CRTAC1: variants seen among roughly 807,000 people sequenced by gnomAD.
The protein encoded by CRTAC1 is acidic secreted protein in cartilage.
In CRTAC1, 37 loss-of-function variants were observed where a neutral mutation model predicts 67.8. The ratio of observed to expected loss-of-function variants is 0.55; its 90% CI spans 0.42 to 0.72. CRTAC1 has a LOEUF of 0.72. Ranked by LOEUF, CRTAC1 falls within the 30% of genes least tolerant of loss-of-function variation. The pLI, the probability that CRTAC1 is intolerant of heterozygous loss-of-function variation, is 0.00. For synonymous variants in CRTAC1, 348 were observed against 371.0 expected, an observed-to-expected ratio of 0.94 and a Z score of 0.71; for missense variants, 780 against 931.6, an observed-to-expected ratio of 0.84 and a Z score of 2.12.
chr10:97,900,638 G>A (rs558956664), intron 8 of CRTAC1, among the ~76,000 whole-genome samples: 9 of 140,418 alleles, frequency 6.4e-5, no homozygotes, highest in Non-Finnish European at 9.1e-5. Context: ...ATTGGAGCCC[G>A]TAGCCCCTTT....
chr10:97,953,479 A>G (rs909293434), intron 2 of CRTAC1, among the ~76,000 whole-genome samples: 5 of 152,142 alleles, frequency 3.3e-5, no homozygotes, highest in Admixed American at 6.5e-5. Flanking sequence ...CAGACCCTCA[A>G]TGGAGGTCCC....
chr10:97,986,216 G>A (rs369620932), intron 2 of CRTAC1, among the ~76,000 whole-genome samples: 32 of 152,308 alleles, frequency 2.1e-4, no homozygotes, highest in African/African-American at 7.7e-4. Context: ...CACCACACCG[G>A]GGAGAGGAGA....
intron 2 of CRTAC1, among the ~76,000 whole-genome samples, chr10:97,980,115 G>A (rs1320899009): frequency 6.6e-6 from 1 of 152,186 alleles, no homozygotes; most frequent in Non-Finnish European, 1.5e-5. Flanking sequence ...ATCTTTGTTT[G>A]CTCATTCATA....
chr10:97,886,874 A>G (rs1261766341), intron 11 of CRTAC1, among the ~76,000 whole-genome samples: 8 of 151,542 alleles, frequency 5.3e-5, no homozygotes, highest in Admixed American at 5.3e-4. Context: ...CAAACTCCTG[A>G]CCTCAAGTGA....
intron 2 of CRTAC1, among the ~76,000 whole-genome samples, chr10:97,962,274 C>A (rs1047555444): frequency 2.0e-5 from 3 of 151,850 alleles, no homozygotes; most frequent in Admixed American, 6.6e-5. Flanking sequence ...GGGATGAGAT[C>A]ACAGCCAACT....
At chr10:98,009,917 C>T (rs1263424836) in intron 2 of CRTAC1, among the ~76,000 whole-genome samples, 2 of 152,126 alleles carry the variant, frequency 1.3e-5, no homozygotes, top group Admixed American at 1.3e-4. Context: ...ACCCCATCTG[C>T]CTTTTCTCTC....
At chr10:97,886,770 G>T (rs1382253581) in intron 11 of CRTAC1, among the ~76,000 whole-genome samples, 1 of 150,766 alleles carries the variant, frequency 6.6e-6, no homozygotes, top group Non-Finnish European at 1.5e-5. Context: ...TCAGCCTCCT[G>T]AGTAGTTGGG....
intron 1 of CRTAC1, among the ~76,000 whole-genome samples, chr10:98,017,802 G>T (rs1843029099): frequency 6.6e-6 from 1 of 151,602 alleles, no homozygotes; most frequent in African/African-American, 2.4e-5. Context: ...CTTCCAAAGT[G>T]CTGAGATTAC....
intron 2 of CRTAC1, among the ~76,000 whole-genome samples, chr10:98,002,034 G>A (rs1842698216): frequency 6.6e-6 from 1 of 152,208 alleles, no homozygotes; most frequent in South Asian, 2.1e-4. Context: ...GGCCAGGGAG[G>A]GTCAGCCTCA....
intron 1 of CRTAC1, among the ~76,000 whole-genome samples, chr10:98,028,482 C>T (rs1375602651): frequency 6.6e-6 from 1 of 152,136 alleles, no homozygotes; most frequent in Non-Finnish European, 1.5e-5. Flanking sequence ...ACTGCCTTCC[C>T]GGTTGGTGGT....
At chr10:97,920,577 A>G (rs2050822068) in intron 4 of CRTAC1, among the ~76,000 whole-genome samples, 1 of 152,082 alleles carries the variant, frequency 6.6e-6, no homozygotes, top group Admixed American at 6.5e-5. Context: ...GAGAATCTGC[A>G]TTTCTAACGA....
At chr10:98,002,719 C>T (rs1386888889) in intron 2 of CRTAC1, among the ~76,000 whole-genome samples, 1 of 146,106 alleles carries the variant, frequency 6.8e-6, no homozygotes, top group Non-Finnish European at 1.5e-5. Context: ...TGATGGTCAC[C>T]GAGGAACAAA....
chr10:97,894,711 C>CATATATATATTCAT (rs2050425921), intron 11 of CRTAC1, among the ~76,000 whole-genome samples: 1 of 60,052 alleles, frequency 1.7e-5, no homozygotes, highest in Non-Finnish European at 3.3e-5. Context: ...GATGCTTTTA[C>CATATATATATTCAT]ATATATATAT....
chr10:97,975,838 TG>T lies in CRTAC1; in HGVS notation c.224+35299del, dbSNP rs1220394965. ...TACGCACACTCGGTGAGCGTGCTCC[TG>T]GGCCCCCAATGAGGAGCTAGCTCCC... On this transcript the variant is annotated intron_variant, in intron 2 of 14. Transcript: ENST00000370597. The surrounding 1 kb of genome is among the most constrained non-coding windows in gnomAD (Gnocchi z 4.8). 6.6e-6 allele frequency among the ~76,000 whole-genome samples: 1 copy of T among 152,244 alleles called. No homozygotes were observed. Among genetic ancestry groups the T allele is most frequent in the Non-Finnish European group, 1.5e-5 (1 of 68,036 alleles).
At chr10:97,873,564 C>T (rs948814190) in intron 14 of CRTAC1, among the ~76,000 whole-genome samples, 11 of 152,058 alleles carry the variant, frequency 7.2e-5, no homozygotes, top group African/African-American at 2.7e-4. Flanking sequence ...GTGCTTTTTT[C>T]CTGTTCCAGG....
intron 8 of CRTAC1, among the ~76,000 whole-genome samples, chr10:97,898,183 A>G (rs1355546429): frequency 2.6e-5 from 4 of 152,222 alleles, no homozygotes; most frequent in African/African-American, 9.6e-5. Context: ...TGTTCATTGA[A>G]CACATTCTTA....
intron 1 of CRTAC1, among the ~76,000 whole-genome samples, chr10:98,013,279 C>G (rs1842941549): frequency 6.6e-6 from 1 of 152,166 alleles, no homozygotes; most frequent in African/African-American, 2.4e-5. Flanking sequence ...CTTTTCGAAG[C>G]TAGTTAGTTC....
chr10:97,865,045 C>A lies in CRTAC1; in HGVS notation c.*503G>T, dbSNP rs1163995717. 2 of 152,866 alleles carry A rather than the reference C, an allele frequency of 1.3e-5. No homozygotes were observed. Among genetic ancestry groups the A allele is most frequent in the Admixed American group, 6.5e-5 (1 of 15,328 alleles). The allele number at this position is 152,866 out of a possible 1,614,324, so 9.5% of individuals were successfully genotyped here. On this transcript the variant is annotated 3_prime_UTR_variant, in exon 15 of 15. Transcript: ENST00000370597. ...GTGAGAGGCACTTGTTTTTATTGAG[C>A]CTTTACTATGTGCCAGGTTTTGTGC...
intron 3 of CRTAC1, among the ~76,000 whole-genome samples, chr10:97,932,424 A>G (rs1479048961): frequency 6.6e-6 from 1 of 152,206 alleles, no homozygotes; most frequent in Non-Finnish European, 1.5e-5. Context: ...AGGCACCCCC[A>G]TGGAACTAAG....
Sources: allele counts gnomAD v4.1 joint callset (sites outside exome capture counted in the v4.1 genomes callset), GRCh38; gene constraint gnomAD v4.1.1; non-coding constraint Gnocchi (gnomAD v3.1); transcripts MANE v1.5; gene names NCBI Gene and HGNC (gene_info 2026-07-23, HGNC 2026-07-21).